The following CA10 variants were observed in gnomAD, a reference collection of about 807,000 sequenced individuals.
CA10 encodes carbonic anhydrase 10 (inactive).
In CA10, 14 loss-of-function variants were observed where a neutral mutation model predicts 44.2. That is an observed-to-expected ratio of 0.32 (90% CI 0.21 to 0.50). The LOEUF (loss-of-function observed/expected upper bound fraction) is 0.50. Ranked by LOEUF, CA10 falls within the 20% of genes least tolerant of loss-of-function variation. CA10 has a pLI of 0.99. For synonymous variants in CA10, 159 were observed against 141.6 expected (o/e 1.12, Z -0.87); for missense variants, 350 against 409.7 (o/e 0.85, Z 1.26).
chr17:52,114,023 G>A (rs1280293420), intron 1 of CA10, among the ~76,000 whole-genome samples: 1 of 152,204 alleles, frequency 6.6e-6, no homozygotes. Flanking sequence ...CAAGTTGACA[G>A]AACATAGCTG....
At chr17:52,028,671 A>T (rs1986373423) in intron 2 of CA10, among the ~76,000 whole-genome samples, 1 of 152,146 alleles carries the variant, frequency 6.6e-6, no homozygotes, top group Non-Finnish European at 1.5e-5. Context: ...GGTGTGGACA[A>T]AATAAGAAGG....
intron 3 of CA10, among the ~76,000 whole-genome samples, chr17:51,751,245 C>T (rs772356074): frequency 3.9e-5 from 6 of 152,066 alleles, no homozygotes; most frequent in Non-Finnish European, 7.4e-5. Context: ...AAAGTAGAAT[C>T]GTGATTGCCA....
At chr17:51,713,414 G>A (rs184018470) in intron 4 of CA10, among the ~76,000 whole-genome samples, 35 of 152,250 alleles carry the variant, frequency 2.3e-4, no homozygotes, top group African/African-American at 6.0e-4. Context: ...GATATCTAGC[G>A]GGGACAACGG....
chr17:51,987,031 T>A lies in CA10; in HGVS notation c.137-55899A>T, dbSNP rs181959863. Among the ~76,000 whole-genome samples, 179 of 152,108 alleles carry A rather than the reference T, an allele frequency of 1.2e-3. 4 individuals carry two copies. In the South Asian group the frequency reaches 0.022, roughly 18 times the overall value. On this transcript the variant is annotated intron_variant, in intron 2 of 8. Transcript: ENST00000451037. ...TATCTACCCAGAGGAAAAAAAGTCA[T>A]TATATGAAAAAGATACTTGCACATG...
chr17:51,771,427 C>T (rs1905608234), intron 3 of CA10, among the ~76,000 whole-genome samples: 1 of 152,154 alleles, frequency 6.6e-6, no homozygotes, highest in Non-Finnish European at 1.5e-5. Flanking sequence ...CCAAGCCAGG[C>T]TTGCCCAGTG....
intron 4 of CA10, among the ~76,000 whole-genome samples, chr17:51,676,097 C>A: frequency 6.6e-6 from 1 of 152,178 alleles, no homozygotes; most frequent in Non-Finnish European, 1.5e-5. Context: ...CATGTGTGTA[C>A]AAGTTTTAGT....
intron 4 of CA10, among the ~76,000 whole-genome samples, chr17:51,656,847 G>C (rs1913813868): frequency 1.3e-5 from 2 of 152,206 alleles, no homozygotes; most frequent in African/African-American, 4.8e-5. Flanking sequence ...CTGGTGAGCA[G>C]AGTCCTGTTT....
intron 1 of CA10, among the ~76,000 whole-genome samples, chr17:52,135,220 A>G (rs1376463261): frequency 6.6e-6 from 1 of 152,044 alleles, no homozygotes; most frequent in East Asian, 1.9e-4. Context: ...TTTCCTCCCT[A>G]AGGGATAAAC....
intron 3 of CA10, among the ~76,000 whole-genome samples, chr17:51,913,647 G>C (rs1253229200): frequency 6.6e-5 from 3 of 45,786 alleles, no homozygotes; most frequent in Non-Finnish European, 8.9e-5. Context: ...TGGAGTGTTA[G>C]AGAAGTCCGA....
At chr17:51,861,475 T>TC (rs1979303880) in intron 3 of CA10, among the ~76,000 whole-genome samples, 2 of 151,174 alleles carry the variant, frequency 1.3e-5, no homozygotes, top group African/African-American at 4.9e-5. Flanking sequence ...AAAACCCCTT[T>TC]CCCCCTATTA....
rs143124900 is a variant in CA10, at chr17:52,097,551, C to T, written c.62-25158G>A. Among the ~76,000 whole-genome samples, 652 of 152,156 alleles carry T rather than the reference C, an allele frequency of 4.3e-3. 2 individuals carry two copies. Among genetic ancestry groups the T allele is most frequent in the African/African-American group, 0.014 (597 of 41,458 alleles). ...GTATTGTTGATATTTCTATCCAGTACACTGGTTTTGCACTCTGGGTTGACA... is the reference window on the plus strand; with the variant it reads ...GTATTGTTGATATTTCTATCCAGTATACTGGTTTTGCACTCTGGGTTGACA... On this transcript the variant is annotated intron_variant, in intron 1 of 8. Coordinates refer to ENST00000451037, the MANE Select transcript of CA10 (RefSeq NM_020178.5).
intron 3 of CA10, among the ~76,000 whole-genome samples, chr17:51,834,457 T>C (rs1017073704): frequency 7.9e-5 from 12 of 152,338 alleles, no homozygotes; most frequent in African/African-American, 2.6e-4. Context: ...GGCAATTACT[T>C]AGAAGAAAGG....
chr17:51,829,936 C>A (rs920259648), intron 3 of CA10, among the ~76,000 whole-genome samples: 32 of 152,122 alleles, frequency 2.1e-4, no homozygotes, highest in Non-Finnish European at 1.0e-4. Flanking sequence ...CGGTGGCTCA[C>A]GCCTGTAATC....
intron 2 of CA10, among the ~76,000 whole-genome samples, chr17:51,947,404 A>T (rs931300083): frequency 6.6e-6 from 1 of 152,224 alleles, no homozygotes; most frequent in Admixed American, 6.5e-5. Flanking sequence ...TGTTCTTGTC[A>T]GTGTAGATGT....
At chr17:52,112,684 CA>C (rs1238934893) in intron 1 of CA10, among the ~76,000 whole-genome samples, 1 of 152,106 alleles carries the variant, frequency 6.6e-6, no homozygotes, top group Non-Finnish European at 1.5e-5. Context: ...TTTAAATATC[CA>C]AAGTGCCTAG....
chr17:52,078,487 T>C (rs1440169559), intron 1 of CA10, among the ~76,000 whole-genome samples: 1 of 152,160 alleles, frequency 6.6e-6, no homozygotes, highest in Non-Finnish European at 1.5e-5. Context: ...GCAGAGTACA[T>C]ACACTGCTAT....
intron 2 of CA10, among the ~76,000 whole-genome samples, chr17:51,964,689 A>G (rs203026): frequency 0.91 from 138,002 of 151,700 alleles, 62,846 homozygotes; most frequent in East Asian, 0.95. Flanking sequence ...ATTTAATGCC[A>G]AAGTCAAAAA....
intron 2 of CA10, among the ~76,000 whole-genome samples, chr17:52,031,086 A>T (rs557911420): frequency 3.5e-4 from 53 of 152,178 alleles, no homozygotes; most frequent in African/African-American, 1.3e-3. Context: ...TAATAGAGGT[A>T]TACATCAAGG....
At chr17:51,884,166 A>G (rs1980494889) in intron 3 of CA10, among the ~76,000 whole-genome samples, 1 of 152,184 alleles carries the variant, frequency 6.6e-6, no homozygotes, top group Non-Finnish European at 1.5e-5. Flanking sequence ...GTCAAGACAC[A>G]GCCACCCTTT....
Sources: gnomAD v4.1 joint callset for allele counts (sites outside exome capture counted in the v4.1 genomes callset) on GRCh38, gnomAD v4.1.1 for gene constraint, MANE v1.5 for transcripts, NCBI Gene and HGNC (gene_info 2026-07-23, HGNC 2026-07-21) for gene names.